OMA1: variants seen among roughly 807,000 people sequenced by gnomAD.
OMA1 encodes the protein OMA1 zinc metallopeptidase.
Under a neutral mutation model 30.9 loss-of-function variants are expected in OMA1, and 38 were observed. The ratio of observed to expected loss-of-function variants is 1.23; its 90% CI spans 0.95 to 1.61. OMA1 has a LOEUF of 1.61. Among genes scored for constraint, OMA1 ranks in the 40% most tolerant of loss-of-function variants. OMA1 has a pLI of 0.00. For synonymous variants in OMA1, 173 were observed against 121.9 expected (o/e 1.42, Z -2.76); for missense variants, 461 against 349.2 (o/e 1.32, Z -2.55).
At chr1:58,525,770 T>A (rs11807046) in intron 7 of OMA1, among the ~76,000 whole-genome samples, 5 of 151,966 alleles carry the variant, frequency 3.3e-5, no homozygotes, top group Non-Finnish European at 7.4e-5. Context: ...TCAAATCAAT[T>A]CTGCAGAACA....
intron 7 of OMA1, among the ~76,000 whole-genome samples, chr1:58,517,844 G>C (rs183866952): frequency 6.6e-6 from 1 of 152,008 alleles, no homozygotes; most frequent in African/African-American, 2.4e-5. Context: ...AAAGGGAAAA[G>C]TCTGGAGGAA....
chr1:58,507,318 A>G (rs1646004263), intron 7 of OMA1, among the ~76,000 whole-genome samples: 1 of 151,946 alleles, frequency 6.6e-6, no homozygotes, highest in African/African-American at 2.4e-5. Context: ...TGTACTCTCA[A>G]AAAGATTTAT....
intron 7 of OMA1, among the ~76,000 whole-genome samples, chr1:58,511,024 T>TA (rs1248891568): frequency 6.6e-6 from 1 of 152,142 alleles, no homozygotes; most frequent in African/African-American, 2.4e-5. Context: ...TTGTAAGACT[T>TA]AATATCGTTA....
chr1:58,514,271 T>G (rs1214755612), intron 7 of OMA1, among the ~76,000 whole-genome samples: 1 of 152,148 alleles, frequency 6.6e-6, no homozygotes. Context: ...ATAAATTCAG[T>G]GGGATATGAT....
rs763794234 is a variant in OMA1, at chr1:58,533,939, T to C, written c.1011+14A>G. 1.6e-5 allele frequency: 14 copies of C among 869,500 alleles called. No individual in the cohort carries two copies. The highest frequency in any genetic ancestry group is 5.1e-5 in the Admixed American group (3 of 59,006). 53.9% of individuals were successfully genotyped at this position (869,500 alleles called of 1,614,324 possible). On this transcript the variant is annotated intron_variant, in intron 5 of 8. Transcript: ENST00000371226. ...CAGTTTTTCCAAACCTGAACATTCA[T>C]TTTAGGTACTTACAGCATGCCCAAG...
At chr1:58,487,707 T>A (rs1328328637) in intron 8 of OMA1, among the ~76,000 whole-genome samples, 1 of 152,170 alleles carries the variant, frequency 6.6e-6, no homozygotes, top group Admixed American at 6.5e-5. Context: ...TAATTTGTAA[T>A]TTGTAAATTA....
intron 7 of OMA1, among the ~76,000 whole-genome samples, chr1:58,517,808 C>A (rs1366487595): frequency 6.6e-6 from 1 of 151,914 alleles, no homozygotes; most frequent in Admixed American, 6.6e-5. Flanking sequence ...AAATGTCAAT[C>A]CAAAGTAGGG....
chr1:58,487,039 T>C (rs368587339), intron 8 of OMA1, among the ~76,000 whole-genome samples: 6 of 152,198 alleles, frequency 3.9e-5, no homozygotes, highest in Admixed American at 3.9e-4. Flanking sequence ...GACATTACAA[T>C]GATCACTCTG....
In OMA1 at chr1:58,480,960, T is replaced by C. The variant is rs200517032; in HGVS notation, c.*5A>G. 7.0e-6 allele frequency: 6 copies of C among 858,736 alleles called. No individual in the cohort carries two copies. The highest frequency in any genetic ancestry group is 1.2e-5 in the Non-Finnish European group (6 of 495,590). The allele number at this position is 858,736 out of a possible 1,614,324, so 53.2% of individuals were successfully genotyped here. Reference sequence around the variant, plus strand: ...TCATATATCTTGTGTCTCATAAATTTTAATTCAACTGCCCGTTCTTTTCTC... The same window carrying C: ...TCATATATCTTGTGTCTCATAAATTCTAATTCAACTGCCCGTTCTTTTCTC... On this transcript the variant is annotated 3_prime_UTR_variant, in exon 9 of 9. Transcript: ENST00000371226.
chr1:58,522,943 C>T lies in OMA1; in HGVS notation c.1215+4318G>A, dbSNP rs1264856228. 2.0e-5 allele frequency among the ~76,000 whole-genome samples: 3 copies of T among 152,016 alleles called. No individual in the cohort carries two copies. In the East Asian group the frequency reaches 5.8e-4, roughly 29 times the overall value. On this transcript the variant is annotated intron_variant, in intron 7 of 8. Coordinates refer to ENST00000371226, the MANE Select transcript of OMA1 (RefSeq NM_145243.5). ...AGTTCCAGGGGTGGCAGAGGTAGAA[C>T]GGGAGACAGGAAAGGCAGGCATAAT... is the stretch of plus-strand genomic sequence containing the variant.
At chr1:58,530,424 T>C (rs1325245137) in intron 6 of OMA1, among the ~76,000 whole-genome samples, 177 bp downstream of exon 6, 1 of 152,094 alleles carries the variant, frequency 6.6e-6, no homozygotes, top group East Asian at 1.9e-4. Flanking sequence ...TATTCCTTAA[T>C]TTAAATATTC....
At position 58,527,101 on chromosome 1, in the gene OMA1, G is replaced by C. The variant is rs146374186; in HGVS notation, c.1215+160C>G. The stretch of plus-strand genomic sequence containing the variant: ...ACTCTTCAGTTATACATTCTTTCAA[G>C]GTCCATAATCTTCAAATTTCTAGAT... On this transcript the variant is annotated intron_variant, in intron 7 of 8. Coordinates refer to ENST00000371226, the MANE Select transcript of OMA1 (RefSeq NM_145243.5). 1.1e-4 allele frequency among the ~76,000 whole-genome samples: 16 copies of C among 152,132 alleles called. No individual in the cohort carries two copies. In the East Asian group the frequency reaches 3.1e-3, roughly 29 times the overall value.
At chr1:58,505,444 T>C (rs1051495737) in intron 8 of OMA1, among the ~76,000 whole-genome samples, 1 of 152,148 alleles carries the variant, frequency 6.6e-6, no homozygotes, top group African/African-American at 2.4e-5. Context: ...ACATTCTGAA[T>C]GATGTCAACA....
intron 8 of OMA1, among the ~76,000 whole-genome samples, chr1:58,495,228 A>G (rs952465804): frequency 6.6e-6 from 1 of 152,098 alleles, no homozygotes; most frequent in Non-Finnish European, 1.5e-5. Flanking sequence ...ATGAGAACAC[A>G]TGGACACAGG....
rs1470765965 is a variant in OMA1, at chr1:58,534,340, T to C, written c.730-9A>G. 3 of 832,726 alleles carry C rather than the reference T, an allele frequency of 3.6e-6. No individual in the cohort carries two copies. Among genetic ancestry groups the C allele is most frequent in the African/African-American group, 1.7e-5 (1 of 59,254 alleles). 51.6% of individuals were successfully genotyped at this position (832,726 alleles called of 1,614,324 possible). Reference sequence around the variant, plus strand: ...TTAAATTCTTCCATCCACTGAAAGATTAAAAATTACTTCTTATTTTAAAAG... The same window carrying C: ...TTAAATTCTTCCATCCACTGAAAGACTAAAAATTACTTCTTATTTTAAAAG... On this transcript the variant is annotated splice_polypyrimidine_tract_variant and intron_variant, in intron 3 of 8. Coordinates refer to ENST00000371226, the MANE Select transcript of OMA1 (RefSeq NM_145243.5).
intron 3 of OMA1, among the ~76,000 whole-genome samples, chr1:58,534,975 A>C (rs1047994800): frequency 6.6e-6 from 1 of 152,202 alleles, no homozygotes; most frequent in African/African-American, 2.4e-5. Flanking sequence ...TGGAGAACTT[A>C]AGATTTCATC....
At chr1:58,534,873 T>C (rs1646493125) in intron 3 of OMA1, among the ~76,000 whole-genome samples, 1 of 151,934 alleles carries the variant, frequency 6.6e-6, no homozygotes, top group African/African-American at 2.4e-5. Flanking sequence ...GAGGTGGAGG[T>C]TGCAGTGAGC....
intron 7 of OMA1, among the ~76,000 whole-genome samples, chr1:58,525,518 T>G (rs1184125906): frequency 6.6e-6 from 1 of 152,088 alleles, no homozygotes; most frequent in Non-Finnish European, 1.5e-5. Context: ...ACAAAAGATG[T>G]GTAATTCCTA....
At chr1:58,513,688 T>G (rs1476148923) in intron 7 of OMA1, among the ~76,000 whole-genome samples, 1 of 152,218 alleles carries the variant, frequency 6.6e-6, no homozygotes, top group Non-Finnish European at 1.5e-5. Context: ...ACTGATTATT[T>G]TATTTATTAA....
Sources: allele counts gnomAD v4.1 joint callset (sites outside exome capture counted in the v4.1 genomes callset), GRCh38; gene constraint gnomAD v4.1.1; transcripts MANE v1.5; gene names NCBI Gene and HGNC (gene_info 2026-07-23, HGNC 2026-07-21).